TBCK: variants seen among roughly 807,000 people sequenced by gnomAD.
TBCK encodes TBC1 domain containing kinase.
A neutral mutation model predicts 113.4 loss-of-function variants in TBCK; 99 were observed. The ratio of observed to expected loss-of-function variants is 0.87; its 90% confidence interval spans 0.74 to 1.03. The LOEUF is 1.03. TBCK is among the 50% of genes least tolerant of loss of function. TBCK has a pLI of 0.00. For missense variants in TBCK, 1,045 were observed against 1,061.3 expected (o/e 0.98, Z 0.21); for synonymous variants, 369 against 370.8 (o/e 1.00, Z 0.05).
chr4:106,249,003 A>G, intron 7 of TBCK, 21 bp from the exon 8 acceptor site: 1 of 1,536,688 alleles, frequency 6.5e-7, no homozygotes, highest in Non-Finnish European at 8.8e-7. Flanking sequence ...GAAAAACTAT[A>G]TGAATAAATG....
intron 4 of TBCK, among the ~76,000 whole-genome samples, chr4:106,261,293 G>GT (rs1762481682): frequency 6.6e-6 from 1 of 151,852 alleles, no homozygotes. Context: ...TTGTGTGTTT[G>GT]TTTTTTAGAG....
intron 3 of TBCK, among the ~76,000 whole-genome samples, chr4:106,275,742 A>G (rs768022431): frequency 9.2e-5 from 14 of 152,284 alleles, no homozygotes; most frequent in Non-Finnish European, 1.9e-4. Context: ...ATCATAAACT[A>G]TAAAACACTG....
rs748831829 is a variant in TBCK at position 106,116,227 on chromosome 4, A to G, written c.2387T>C (p.Val796Ala). 4 of 1,614,102 alleles carry G rather than the reference A, an allele frequency of 2.5e-6. No homozygotes were observed. The South Asian group carries it at 4.4e-5, about 18-fold the overall frequency. Residue 796 changes from valine (V) to alanine (A), a missense_variant, in exon 24 of 26, where the codon GTG becomes GCG. Transcript: ENST00000394708. The part of the protein sequence containing the change: ...KTKSSKPKLL[V>A]VDIRNSEDFI... ...CTCTTCACTATTCCGGATGTCAACC[A>G]CCAGGAGCTTTGGTTTACTGGACTT...
Position 106,262,181 on chromosome 4 carries a change from C to T in TBCK, c.298G>A (p.Val100Ile), listed in dbSNP as rs896301143. 3 of 1,547,732 alleles carry T rather than the reference C, an allele frequency of 1.9e-6. No individual in the cohort carries two copies. Among genetic ancestry groups the T allele is most frequent in the Non-Finnish European group, 2.6e-6 (3 of 1,144,448 alleles). ...CSTVLCIAFE[V>I]LQGLQYMNKH... ...TTCATATACTGCAAGCCCTGAAGAA[C>T]CTCAAATGCTATACACAAAACCGTT... The change falls in exon 4 of 26, where the codon GTT becomes ATT. Residue 100 changes from valine (V) to isoleucine (I), a missense_variant. Coordinates refer to ENST00000394708, the MANE Select transcript of TBCK (RefSeq NM_001163435.3).
rs765189647 is a variant in TBCK at position 106,247,273 on chromosome 4, T to A, written c.797A>T (p.Gln266Leu). 5.0e-6 allele frequency: 8 copies of A among 1,611,994 alleles called. No individual in the cohort carries two copies. The highest frequency in any genetic ancestry group is 6.8e-6 in the Non-Finnish European group (8 of 1,178,696). Residue 266 changes from glutamine (Q) to leucine (L), a missense_variant, in exon 10 of 26, where the codon CAA (glutamine) becomes CTA (leucine). Transcript: ENST00000394708. Reference protein sequence around the residue: ...FHPSKRPTPDQLMKDKVFSEV... With the variant: ...FHPSKRPTPDLLMKDKVFSEV... ...ACTGAATACTTTGTCCTTCATTAATTGATCTGGGGTTGGCCTTGAGAACAT... is the reference window on the plus strand; with the variant it reads ...ACTGAATACTTTGTCCTTCATTAATAGATCTGGGGTTGGCCTTGAGAACAT...
chr4:106,241,648 T>C (rs1440157590), intron 12 of TBCK, among the ~76,000 whole-genome samples: 6 of 151,938 alleles, frequency 3.9e-5, no homozygotes, highest in Non-Finnish European at 7.4e-5. Context: ...ATTCAATATA[T>C]GGTACTGAGA....
chr4:106,102,162 C>A (rs1400204593), intron 24 of TBCK, among the ~76,000 whole-genome samples: 1 of 152,154 alleles, frequency 6.6e-6, no homozygotes, highest in Non-Finnish European at 1.5e-5. Flanking sequence ...ATTAGGGTTT[C>A]TTCTTATTCT....
intron 3 of TBCK, among the ~76,000 whole-genome samples, chr4:106,274,765 C>A (rs1309911606): frequency 6.6e-6 from 1 of 152,086 alleles, no homozygotes; most frequent in Non-Finnish European, 1.5e-5. Context: ...TGTGAAGTGG[C>A]TCTTTAAGAG....
chr4:106,056,932 C>T (rs1735496397), intron 25 of TBCK, among the ~76,000 whole-genome samples: 1 of 151,782 alleles, frequency 6.6e-6, no homozygotes, highest in Non-Finnish European at 1.5e-5. Context: ...ATTACACACA[C>T]ACTTGCTTAC....
intron 23 of TBCK, among the ~76,000 whole-genome samples, chr4:106,154,178 T>C (rs1748857963): frequency 6.6e-6 from 1 of 152,154 alleles, no homozygotes; most frequent in African/African-American, 2.4e-5. Flanking sequence ...GGGGATTTTC[T>C]ATTGTGATAT....
chr4:106,049,057 A>T (rs1487740938), intron 25 of TBCK, among the ~76,000 whole-genome samples: 1 of 152,156 alleles, frequency 6.6e-6, no homozygotes, highest in African/African-American at 2.4e-5. Flanking sequence ...TGCTCCTCTG[A>T]TGCTCTGCTG....
At chr4:106,171,611 A>G (rs1445294229) in intron 22 of TBCK, among the ~76,000 whole-genome samples, 13 of 148,600 alleles carry the variant, frequency 8.7e-5, no homozygotes, top group Admixed American at 8.7e-4. Context: ...TTATTTAAAA[A>G]TCTGCCAAAT....
rs1473377347 is a variant in TBCK, at chr4:106,232,993, A to G, written c.1584T>C (p.Phe528=). ...LLSSPEGHAK[F]RRVLKAWVVS... is the part of the protein sequence containing the mutation. Reference sequence around the variant, plus strand: ...CTACCCAGGCTTTTAATACACGCCTAAATTTTGCATGACCTTCTGGTGATG... The same window carrying G: ...CTACCCAGGCTTTTAATACACGCCTGAATTTTGCATGACCTTCTGGTGATG... Residue 528 remains phenylalanine, a synonymous_variant, in exon 17 of 26, where the codon TTT becomes TTC. Transcript: ENST00000394708. 1.2e-6 allele frequency: 2 copies of G among 1,612,444 alleles called. No homozygotes were observed. Among genetic ancestry groups the G allele is most frequent in the Admixed American group, 1.7e-5 (1 of 59,864 alleles).
intron 3 of TBCK, among the ~76,000 whole-genome samples, chr4:106,287,756 C>A (rs934294664): frequency 6.6e-6 from 1 of 152,106 alleles, no homozygotes; most frequent in Non-Finnish European, 1.5e-5. Flanking sequence ...ATAAGTAAAC[C>A]ATCTTAGAAA....
At chr4:106,114,004 A>G (rs949830681) in intron 24 of TBCK, among the ~76,000 whole-genome samples, 1 of 152,106 alleles carries the variant, frequency 6.6e-6, no homozygotes, top group African/African-American at 2.4e-5. Context: ...GTAACACTAC[A>G]TGTCACTCCT....
At chr4:106,305,340 C>G (rs1767403636) in intron 2 of TBCK, among the ~76,000 whole-genome samples, 1 of 151,798 alleles carries the variant, frequency 6.6e-6, no homozygotes, top group South Asian at 2.1e-4. Context: ...AGAAATATGT[C>G]AACAATAAAA....
chr4:106,134,347 G>A (rs775470724), intron 23 of TBCK, among the ~76,000 whole-genome samples: 2 of 151,992 alleles, frequency 1.3e-5, no homozygotes, highest in African/African-American at 2.4e-5. Flanking sequence ...GTGCTAAAAG[G>A]TTTGATAAAT....
At chr4:106,216,550 A>T (rs1263391795) in intron 19 of TBCK, among the ~76,000 whole-genome samples, 1 of 152,054 alleles carries the variant, frequency 6.6e-6, no homozygotes, top group African/African-American at 2.4e-5. Context: ...CACCGATCCC[A>T]CAGAAATACA....
At chr4:106,248,630 G>A (rs1560905374) in intron 8 of TBCK, among the ~76,000 whole-genome samples, 1 of 152,172 alleles carries the variant, frequency 6.6e-6, no homozygotes, top group East Asian at 1.9e-4. Flanking sequence ...AGGCCTTTAA[G>A]AAGTAATTAG....
Sources: gnomAD v4.1 joint callset for allele counts (sites outside exome capture counted in the v4.1 genomes callset) on GRCh38, gnomAD v4.1.1 for gene constraint, MANE v1.5 for transcripts, NCBI Gene and HGNC (gene_info 2026-07-23, HGNC 2026-07-21) for gene names.